Variants in HMCN1 observed in about 807,000 individuals in gnomAD.
HMCN1 encodes the protein hemicentin-1.
A neutral mutation model predicts 625.9 loss-of-function variants in HMCN1; 321 were observed. That is an observed-to-expected ratio of 0.51 (90% CI 0.47 to 0.56). HMCN1 has a LOEUF of 0.56. Ranked by LOEUF, HMCN1 falls within the 20% of genes least tolerant of loss-of-function variation. The pLI is 0.00. For missense variants in HMCN1, 6,588 were observed against 6,887.3 expected, an observed-to-expected ratio of 0.96 and a Z score of 1.54; for synonymous variants, 2,425 against 2,417.6, an observed-to-expected ratio of 1.00 and a Z score of -0.09.
intron 4 of HMCN1, among the ~76,000 whole-genome samples, chr1:185,907,971 T>C (rs1286338376): frequency 6.6e-6 from 1 of 151,882 alleles, no homozygotes; most frequent in Non-Finnish European, 1.5e-5. Flanking sequence ...CAAAACACTT[T>C]GTTTTGGATG....
intron 11 of HMCN1, among the ~76,000 whole-genome samples, chr1:185,957,685 G>A (rs1649722510): frequency 6.6e-6 from 1 of 152,100 alleles, no homozygotes; most frequent in African/African-American, 2.4e-5. Context: ...TTTTCTCCTT[G>A]ATGTTTTTCT....
chr1:185,796,237 G>A (rs567176279), intron 1 of HMCN1, among the ~76,000 whole-genome samples: 2 of 152,250 alleles, frequency 1.3e-5, no homozygotes, highest in Admixed American at 1.3e-4. Context: ...CACAGTTCAC[G>A]ATAGGGTTTG....
intron 11 of HMCN1, among the ~76,000 whole-genome samples, chr1:185,948,789 G>A (rs1358349972): frequency 3.4e-4 from 52 of 150,900 alleles, no homozygotes; most frequent in African/African-American, 9.3e-4. Flanking sequence ...GTGTCGGGGC[G>A]GTGAAAATTT....
At chr1:185,770,610 A>G (rs1193489458) in intron 1 of HMCN1, among the ~76,000 whole-genome samples, 1 of 152,284 alleles carries the variant, frequency 6.6e-6, no homozygotes, top group Non-Finnish European at 1.5e-5. Flanking sequence ...TGCACTTGTA[A>G]ATAGGGTGAG....
At chr1:185,860,736 A>G (rs1379035070) in intron 2 of HMCN1, among the ~76,000 whole-genome samples, 1 of 152,234 alleles carries the variant, frequency 6.6e-6, no homozygotes, top group Non-Finnish European at 1.5e-5. Flanking sequence ...TCCAAGAAAT[A>G]AAAGGATATT....
intron 50 of HMCN1, among the ~76,000 whole-genome samples, chr1:186,068,868 C>CAAAAAAAAAAAAAAAAAA: frequency 1.3e-5 from 1 of 76,774 alleles, no homozygotes; most frequent in Non-Finnish European, 2.4e-5. Context: ...GACTCGGTCT[C>CAAAAAAAAAAAAAAAAAA]AAAAAAAAAA....
chr1:186,174,679 T>G (rs1652449958), intron 103 of HMCN1, 37 bp downstream of exon 103: 2 of 1,610,928 alleles, frequency 1.2e-6, no homozygotes, highest in Non-Finnish European at 1.7e-6. Context: ...ATAAAGCTAC[T>G]GATGTAGTTA....
intron 1 of HMCN1, among the ~76,000 whole-genome samples, chr1:185,833,281 C>T (rs1660977252): frequency 6.6e-6 from 1 of 152,158 alleles, no homozygotes; most frequent in Non-Finnish European, 1.5e-5. Context: ...CTTATCACTT[C>T]TATCAAACAT....
chr1:185,963,938 A>G (rs1024071190), intron 13 of HMCN1, 43 bp downstream of exon 13: 8 of 1,556,918 alleles, frequency 5.1e-6, no homozygotes, highest in Non-Finnish European at 7.1e-6. Context: ...TAGGATGAAT[A>G]TCACATCAAG....
intron 1 of HMCN1, among the ~76,000 whole-genome samples, chr1:185,737,872 G>A (rs977457105): frequency 2.0e-5 from 3 of 152,178 alleles, no homozygotes; most frequent in African/African-American, 7.2e-5. Context: ...GTGTGTATTT[G>A]CAGATGGAGT....
chr1:186,023,094 C>T lies in HMCN1; in HGVS notation c.5690C>T (p.Thr1897Ile). The T allele has an allele frequency of 1.2e-6, 2 of 1,613,222 alleles. No homozygotes were observed. The highest frequency in any genetic ancestry group is 8.5e-7 in the Non-Finnish European group (1 of 1,179,326). Residue 1897 changes from threonine to isoleucine, a missense_variant, in exon 36 of 107, where the codon ACA becomes ATA. By Grantham distance (89) the Thr-to-Ile change is moderately conservative (BLOSUM62 -1). Around this residue, in one of 3 missense-constraint regions of HMCN1, gnomAD observed 4,628 missense variants for 4,853.1 expected, o/e 0.95. Transcript: ENST00000271588. Reference protein sequence around the residue: ...KTLLEDAGRYTCVATNAAGET... With the variant: ...KTLLEDAGRYICVATNAAGET... ...CTGTTGGAAGATGCTGGCAGATACA[C>T]ATGTGTGGCTACCAACGCAGCTGGA...
At chr1:186,072,090 A>G (rs1658513242) in intron 52 of HMCN1, among the ~76,000 whole-genome samples, 1 of 152,162 alleles carries the variant, frequency 6.6e-6, no homozygotes, top group Non-Finnish European at 1.5e-5. Flanking sequence ...TTACACTGCT[A>G]GGTGTTTTAG....
At chr1:185,846,753 C>A (rs1010115679) in intron 2 of HMCN1, among the ~76,000 whole-genome samples, 3 of 152,114 alleles carry the variant, frequency 2.0e-5, no homozygotes, top group African/African-American at 7.2e-5. Flanking sequence ...TTTTGGCGAT[C>A]GGTACCTGCC....
chr1:185,739,365 C>T (rs1246456530), intron 1 of HMCN1, among the ~76,000 whole-genome samples: 6 of 152,126 alleles, frequency 3.9e-5, no homozygotes, highest in African/African-American at 1.4e-4. Context: ...GTGCTTTTTA[C>T]ATAGCACTCA....
At chr1:185,844,257 C>T (rs573636408) in intron 1 of HMCN1, among the ~76,000 whole-genome samples, 84 of 152,234 alleles carry the variant, frequency 5.5e-4, no homozygotes, top group Non-Finnish European at 8.5e-4. Context: ...TGGTTAATGA[C>T]GGTTCTGCTT....
At chr1:186,020,830 GCCAGTGGGCTGAGGAAGAGA>G (rs1413967714) in intron 35 of HMCN1, among the ~76,000 whole-genome samples, 1 of 152,102 alleles carries the variant, frequency 6.6e-6, no homozygotes, top group Non-Finnish European at 1.5e-5. Flanking sequence ...CAGAAAGCCA[GCCAGTGGGCTGAGGAAGAGA>G]CCAAGGGAGA....
rs372836826 is a variant in HMCN1 at position 186,119,173 on chromosome 1, A to T, written c.11849-18A>T. ...ACTGAGATGCAGTATATATTAAAACATTTTTTTTCATTTTTAGGAGCAATT... is the reference window on the plus strand; with the variant it reads ...ACTGAGATGCAGTATATATTAAAACTTTTTTTTTCATTTTTAGGAGCAATT... On this transcript the variant is annotated intron_variant, in intron 77 of 106. Transcript: ENST00000271588. The T allele has an allele frequency of 1.2e-5, 19 of 1,575,454 alleles. No individual in the cohort carries two copies. Among genetic ancestry groups the T allele is most frequent in the African/African-American group, 1.4e-5 (1 of 74,056 alleles).
At chr1:185,915,299 C>G (rs55661579) in intron 6 of HMCN1, among the ~76,000 whole-genome samples, 1 of 152,120 alleles carries the variant, frequency 6.6e-6, no homozygotes, top group South Asian at 2.1e-4. Context: ...GATCATGGAT[C>G]TTATTTCTGA....
At chr1:185,740,233 A>G (rs1280069890) in intron 1 of HMCN1, among the ~76,000 whole-genome samples, 1 of 152,204 alleles carries the variant, frequency 6.6e-6, no homozygotes, top group Non-Finnish European at 1.5e-5. Context: ...CTACATAATC[A>G]TTCTGTTGTT....
Sources: allele counts gnomAD v4.1 joint callset (sites outside exome capture counted in the v4.1 genomes callset), GRCh38; gene constraint gnomAD v4.1.1; regional missense constraint gnomAD v4.1.1; transcripts MANE v1.5; gene names NCBI Gene and HGNC (gene_info 2026-07-23, HGNC 2026-07-21).